Variants in PRCP observed in about 807,000 individuals in gnomAD.
PRCP encodes prolylcarboxypeptidase, also known as lysosomal Pro-X carboxypeptidase.
A neutral mutation model predicts 54.2 loss-of-function variants in PRCP; 46 were observed. The observed-to-expected ratio is 0.85, with a 90% CI of 0.67 to 1.09. PRCP has a LOEUF of 1.09. Ranked by LOEUF, PRCP falls within the 50% of genes least tolerant of loss-of-function variation. The probability of loss-of-function intolerance (pLI) is 0.00; values close to 1 mark genes in which losing one functional copy is unlikely to be tolerated. For synonymous variants in PRCP, 240 were observed against 212.2 expected (o/e 1.13, Z -1.14); for missense variants, 613 against 596.8 (o/e 1.03, Z -0.28).
intron 1 of PRCP, among the ~76,000 whole-genome samples, chr11:82,873,519 T>G (rs541321200): frequency 1.9e-4 from 29 of 152,320 alleles, no homozygotes; most frequent in African/African-American, 6.3e-4. Context: ...ATTCAAGAAA[T>G]TGATAGAAGG....
At position 82,900,387 on chromosome 11, in the gene PRCP, G is replaced by A. The variant is rs149555987; in HGVS notation, c.16C>T (p.Leu6Phe). 1.5e-5 allele frequency: 24 copies of A among 1,613,712 alleles called. No homozygotes were observed. In the African/African-American group the frequency reaches 3.1e-4, roughly 21 times the overall value. Residue 6 changes from leucine (L) to phenylalanine (F), a missense_variant, in exon 1 of 9, where the codon CTC becomes TTC. By Grantham distance (22) the Leu-to-Phe change is conservative. Coordinates refer to ENST00000313010, the MANE Select transcript of PRCP (RefSeq NM_005040.4). Reference sequence around the variant, plus strand: ...AGAAAAGACAGAAGCAGGAGCAGGAGGGCTCGGCGGCCCATGGCTCAGGCT... The same window carrying A: ...AGAAAAGACAGAAGCAGGAGCAGGAAGGCTCGGCGGCCCATGGCTCAGGCT... Reference protein sequence around the residue: MGRRALLLLLLSFLAP... With the variant: MGRRAFLLLLLSFLAP...
At chr11:82,848,947 C>G in intron 6 of PRCP, 102 bp downstream of exon 6, 4 of 1,189,764 alleles carry the variant, frequency 3.4e-6, no homozygotes, top group Non-Finnish European at 4.7e-6. Flanking sequence ...AACTCTGGAG[C>G]CCCTTTGTCA....
chr11:82,847,704 C>T (rs1024371098), intron 6 of PRCP, among the ~76,000 whole-genome samples: 3 of 152,020 alleles, frequency 2.0e-5, no homozygotes, highest in Admixed American at 1.3e-4. Context: ...GCAATCATCC[C>T]GCCTTAGCCT....
chr11:82,859,124 T>C (rs1355619443), intron 2 of PRCP, among the ~76,000 whole-genome samples: 3 of 152,244 alleles, frequency 2.0e-5, no homozygotes, highest in Non-Finnish European at 2.9e-5. Context: ...TGGTAGAAAG[T>C]TGACATTTCC....
chr11:82,849,953 G>T lies in PRCP; in HGVS notation c.712C>A (p.His238Asn). 2 of 1,530,712 alleles carry T rather than the reference G, an allele frequency of 1.3e-6. No individual in the cohort carries two copies. Among genetic ancestry groups the T allele is most frequent in the Non-Finnish European group, 8.8e-7 (1 of 1,136,414 alleles). The allele number at this position is 1,530,712 out of a possible 1,614,324, so 94.8% of individuals were successfully genotyped here. Reference protein sequence around the residue: ...KSGPHCSESIHRSWDAINRLS... With the variant: ...KSGPHCSESINRSWDAINRLS... ...CGATTAATGGCATCCCAGGACCTGT[G>T]GATGCTCTCTGAACAATGTGGACCG... The change falls in exon 5 of 9, where the codon CAC (histidine) becomes AAC (asparagine). Residue 238 changes from histidine to asparagine, a missense_variant. Coordinates refer to ENST00000313010, the MANE Select transcript of PRCP (RefSeq NM_005040.4).
intron 2 of PRCP, among the ~76,000 whole-genome samples, chr11:82,856,590 C>G (rs1859086615): frequency 6.6e-6 from 1 of 152,032 alleles, no homozygotes; most frequent in Non-Finnish European, 1.5e-5. Context: ...ACTATGCTTA[C>G]TACCTAGGTG....
intron 8 of PRCP, chr11:82,830,736 A>G (rs958100985): frequency 1.8e-4 from 28 of 151,776 alleles, no homozygotes; most frequent in Admixed American, 1.8e-3. Flanking sequence ...TTAGTTTTCA[A>G]CTACCAGGTA....
At chr11:82,846,681 T>C (rs184734647) in intron 6 of PRCP, among the ~76,000 whole-genome samples, 1 of 152,202 alleles carries the variant, frequency 6.6e-6, no homozygotes, top group African/African-American at 2.4e-5. Flanking sequence ...CATAAAAGGA[T>C]TGCAGTAAAT....
At chr11:82,864,589 C>T (rs1000872213) in intron 1 of PRCP, among the ~76,000 whole-genome samples, 2 of 152,210 alleles carry the variant, frequency 1.3e-5, no homozygotes, top group Non-Finnish European at 2.9e-5. Context: ...TTTATTTTTG[C>T]AGTTTGGTTT....
At chr11:82,884,902 C>T (rs1224032364) in intron 1 of PRCP, 3 of 1,611,848 alleles carry the variant, frequency 1.9e-6, no homozygotes, top group African/African-American at 2.7e-5. Context: ...GAAGTAAAGG[C>T]TTGATTTATT....
chr11:82,901,395 C>G (rs1469519000), upstream of PRCP: 1 of 164,386 alleles, frequency 6.1e-6, no homozygotes, highest in Non-Finnish European at 1.4e-5. Context: ...AGGACAGCGC[C>G]GGGTCTGGCT....
intron 1 of PRCP, among the ~76,000 whole-genome samples, chr11:82,892,137 C>A (rs1181268874): frequency 6.6e-6 from 1 of 152,026 alleles, no homozygotes; most frequent in East Asian, 1.9e-4. Flanking sequence ...GTTACTACTG[C>A]TTAGATTACA....
chr11:82,841,058 A>ATATATATATATAAATAATATATATATAT (rs1178732590), intron 6 of PRCP, among the ~76,000 whole-genome samples: 3 of 149,712 alleles, frequency 2.0e-5, no homozygotes, highest in South Asian at 2.1e-4. Flanking sequence ...TATATAATAG[A>ATATATATATATAAATAATATATATATAT]CTAGTCCTGA....
intron 8 of PRCP, chr11:82,835,473 G>A (rs1007405012): frequency 4.2e-5 from 9 of 215,398 alleles, no homozygotes; most frequent in South Asian, 2.1e-4. Flanking sequence ...TGGGCTGTCC[G>A]AGTTCCCATG....
Position 82,824,954 on chromosome 11 carries a change from C to G in PRCP, c.1443G>C (p.Met481Ile). ...CATAGAAATCTCTGATCCAATTCTT[C>G]ATATGTCTAACTTCCAAGGAGCGGG... ...LLARSLEVRH[M>I]KNWIRDFYDS... Residue 481 changes from methionine to isoleucine, a missense_variant, in exon 9 of 9, where the codon ATG (methionine) becomes ATC (isoleucine). By Grantham distance (10) the Met-to-Ile change is conservative. Transcript: ENST00000313010. 1 of 1,614,106 alleles carries G rather than the reference C, an allele frequency of 6.2e-7. No individual in the cohort carries two copies. The highest frequency in any genetic ancestry group is 1.1e-5 in the South Asian group (1 of 91,076).
At position 82,860,091 on chromosome 11, in the gene PRCP, C is replaced by T. The variant is rs763522579; in HGVS notation, c.195G>A (p.Val65=). The part of the protein sequence containing the change: ...QKVDHFGFNT[V]KTFNQRYLVA... ...CTAGGTACCGCTGATTAAAAGTTTT[C>T]ACAGTATTAAATCCAAAATGATCAA... Residue 65 remains valine, a synonymous_variant, in exon 2 of 9, where the codon GTG becomes GTA. Transcript: ENST00000313010. 6 of 1,556,362 alleles carry T rather than the reference C, an allele frequency of 3.9e-6. No homozygotes were observed. In the Admixed American group the frequency reaches 1.1e-4, roughly 30 times the overall value.
intron 8 of PRCP, among the ~76,000 whole-genome samples, chr11:82,832,905 A>G (rs1565216692): frequency 6.6e-6 from 1 of 152,194 alleles, no homozygotes; most frequent in Non-Finnish European, 1.5e-5. Context: ...TCTTCAGAAA[A>G]GTAGGAGAAT....
chr11:82,830,536 G>T (rs1205251827), intron 8 of PRCP: 5 of 147,952 alleles, frequency 3.4e-5, no homozygotes, highest in African/African-American at 1.3e-4. Flanking sequence ...GCTAAGGCAG[G>T]AGAATGGCTT....
At chr11:82,880,534 T>C (rs1488601213) in intron 1 of PRCP, among the ~76,000 whole-genome samples, 3 of 152,152 alleles carry the variant, frequency 2.0e-5, no homozygotes, top group African/African-American at 7.2e-5. Context: ...GCAACCACTG[T>C]CTGACAAGCT....
Sources: allele counts gnomAD v4.1 joint callset (sites outside exome capture counted in the v4.1 genomes callset), GRCh38; gene constraint gnomAD v4.1.1; transcripts MANE v1.5; gene names NCBI Gene and HGNC (gene_info 2026-07-23, HGNC 2026-07-21).